The following PSEN1 variants were observed in gnomAD, a reference collection of about 807,000 sequenced individuals.
The protein encoded by PSEN1 is presenilin-1.
PSEN1 carries 15 observed loss-of-function variants against 53.5 expected under a neutral mutation model. The observed-to-expected ratio is 0.28, with a 90% CI of 0.19 to 0.43. PSEN1 has a LOEUF of 0.43. Ranked by LOEUF, PSEN1 falls within the 20% of genes least tolerant of loss-of-function variation. The pLI is 1.00. For synonymous variants in PSEN1, 208 were observed against 209.8 expected, an observed-to-expected ratio of 0.99 and a Z score of 0.08; for missense variants, 387 against 571.2, an observed-to-expected ratio of 0.68 and a Z score of 3.29.
intron 8 of PSEN1, among the ~76,000 whole-genome samples, chr14:73,201,656 T>A (rs1201804920): frequency 6.6e-6 from 1 of 152,218 alleles, no homozygotes; most frequent in Non-Finnish European, 1.5e-5. Flanking sequence ...CATCAAAGAT[T>A]CCTGTCTCAC....
chr14:73,191,106 A>G (rs1423089729), intron 6 of PSEN1, among the ~76,000 whole-genome samples: 3 of 152,208 alleles, frequency 2.0e-5, no homozygotes, highest in African/African-American at 7.2e-5. Flanking sequence ...CAGAATTAAA[A>G]TAGCATTTTC....
At chr14:73,150,421 A>G (rs921013955) in intron 3 of PSEN1, among the ~76,000 whole-genome samples, 2 of 152,172 alleles carry the variant, frequency 1.3e-5, no homozygotes, top group African/African-American at 4.8e-5. Flanking sequence ...GCTTACTATA[A>G]TATTTATGTA....
Position 73,173,873 on chromosome 14 carries a change from A to G in PSEN1, c.480+166A>G, listed in dbSNP as rs1897967135. 4 of 863,254 alleles carry G rather than the reference A, an allele frequency of 4.6e-6. No individual in the cohort carries two copies. In the East Asian group the frequency reaches 1.0e-4, roughly 22 times the overall value. 53.5% of individuals were successfully genotyped at this position (863,254 alleles called of 1,614,324 possible). ...TCACTGTGGAACATTCAAAAAATAC[A>G]AAAAGGAAGCCAGGTGCATGTGTAA... On this transcript the variant is annotated intron_variant, in intron 5 of 11. Transcript: ENST00000324501.
chr14:73,182,039 G>C (rs1222118127), intron 5 of PSEN1, among the ~76,000 whole-genome samples: 1 of 152,138 alleles, frequency 6.6e-6, no homozygotes. Flanking sequence ...CTCCCAAACT[G>C]CTGGGATAAC....
At chr14:73,195,416 G>A (rs894785515) in intron 7 of PSEN1, among the ~76,000 whole-genome samples, 1 of 152,004 alleles carries the variant, frequency 6.6e-6, no homozygotes, top group African/African-American at 2.4e-5. Context: ...CAAGTGATCT[G>A]CCTGCCTCAG....
chr14:73,138,778 T>G (rs1594952359), intron 1 of PSEN1, among the ~76,000 whole-genome samples: 2 of 136,338 alleles, frequency 1.5e-5, no homozygotes, highest in Non-Finnish European at 1.6e-5. Flanking sequence ...GCTAACACGG[T>G]GAAACCCCAT....
At chr14:73,173,526 T>G (rs899821281) in intron 4 of PSEN1, 40 bp from the exon 5 acceptor site, 2 of 1,607,186 alleles carry the variant, frequency 1.2e-6, no homozygotes, top group African/African-American at 1.3e-5. Flanking sequence ...GTGATCTCCA[T>G]TAACACTGAC....
chr14:73,159,858 C>T (rs751134123), intron 3 of PSEN1, among the ~76,000 whole-genome samples: 5 of 152,238 alleles, frequency 3.3e-5, no homozygotes, highest in East Asian at 3.9e-4. Context: ...GATCTCACTC[C>T]GTTGCCCAGG....
At chr14:73,153,257 C>T (rs185196698) in intron 3 of PSEN1, among the ~76,000 whole-genome samples, 7 of 152,316 alleles carry the variant, frequency 4.6e-5, no homozygotes, top group South Asian at 2.1e-4. Flanking sequence ...GAAATCTCAA[C>T]GACCTCCAGA....
At chr14:73,202,193 C>T (rs1272494393) in intron 8 of PSEN1, among the ~76,000 whole-genome samples, 2 of 141,744 alleles carry the variant, frequency 1.4e-5, no homozygotes, top group East Asian at 2.1e-4. Flanking sequence ...TACAAGCATG[C>T]GCCACTATAC....
chr14:73,210,189 A>C (rs1470257240), intron 9 of PSEN1, among the ~76,000 whole-genome samples: 1 of 152,232 alleles, frequency 6.6e-6, no homozygotes, highest in Non-Finnish European at 1.5e-5. Flanking sequence ...AGAGCATTTC[A>C]GGATAAATTA....
At chr14:73,204,030 C>T (rs1182059917) in intron 8 of PSEN1, among the ~76,000 whole-genome samples, 1 of 152,118 alleles carries the variant, frequency 6.6e-6, no homozygotes, top group Admixed American at 6.6e-5. Context: ...CAGAGTTTCG[C>T]TCTCATTGCC....
intron 3 of PSEN1, among the ~76,000 whole-genome samples, chr14:73,150,824 C>T (rs1214916743): frequency 1.4e-5 from 2 of 138,966 alleles, no homozygotes; most frequent in Admixed American, 1.5e-4. Context: ...AATCCCAACA[C>T]TTTGGGAGGC....
Position 73,188,063 on chromosome 14 carries a change from G to C in PSEN1, c.548+1143G>C, listed in dbSNP as rs181722099. On this transcript the variant is annotated intron_variant, in intron 6 of 11. Coordinates refer to ENST00000324501, the MANE Select transcript of PSEN1 (RefSeq NM_000021.4). Reference sequence around the variant, plus strand: ...CCTGCCTCAGCCCCCTGAGTAACCGGGACTACAGGTGCGCACCACCATGCC... The same window carrying C: ...CCTGCCTCAGCCCCCTGAGTAACCGCGACTACAGGTGCGCACCACCATGCC... 3.4e-4 allele frequency among the ~76,000 whole-genome samples: 52 copies of C among 152,066 alleles called. 1 individual carries two copies. In the East Asian group the frequency reaches 8.5e-3, roughly 25 times the overall value.
At position 73,210,738 on chromosome 14, in the gene PSEN1, C is replaced by T. The variant is rs114017123; in HGVS notation, c.956-1031C>T. On this transcript the variant is annotated intron_variant, in intron 9 of 11. Coordinates refer to ENST00000324501, the MANE Select transcript of PSEN1 (RefSeq NM_000021.4). ...CTATCAATACAAAATTGTGAGGGCTCTCCCAGAGGAAGCCATGCAAGGAAG... is the reference window on the plus strand; with the variant it reads ...CTATCAATACAAAATTGTGAGGGCTTTCCCAGAGGAAGCCATGCAAGGAAG... 6.6e-3 allele frequency among the ~76,000 whole-genome samples: 1,003 copies of T among 152,224 alleles called. 10 individuals carry two copies. The highest frequency in any genetic ancestry group is 0.023 in the African/African-American group (962 of 41,552).
intron 4 of PSEN1, among the ~76,000 whole-genome samples, chr14:73,173,335 T>G (rs1236419550): frequency 1.3e-5 from 2 of 152,238 alleles, no homozygotes; most frequent in Non-Finnish European, 2.9e-5. Flanking sequence ...AGTGTCTGCT[T>G]CACATGTTAA....
At chr14:73,216,576 T>G (rs555987907) in intron 10 of PSEN1, among the ~76,000 whole-genome samples, 2 of 152,200 alleles carry the variant, frequency 1.3e-5, no homozygotes, top group Admixed American at 1.3e-4. Context: ...CTGACCAACA[T>G]GGTGAAACCC....
chr14:73,176,836 T>C (rs1898060176), intron 5 of PSEN1, among the ~76,000 whole-genome samples: 1 of 152,182 alleles, frequency 6.6e-6, no homozygotes, highest in Admixed American at 6.5e-5. Flanking sequence ...AGAATGGACA[T>C]TTGAGTCCAG....
Position 73,148,164 on chromosome 14 carries a change from C to T in PSEN1, c.87+58C>T, listed in dbSNP as rs964004104. 7.5e-6 allele frequency: 10 copies of T among 1,336,264 alleles called. No homozygotes were observed. The East Asian group carries it at 1.9e-4, about 25-fold the overall frequency. 82.8% of individuals were successfully genotyped at this position (1,336,264 alleles called of 1,614,324 possible). A position where few individuals can be genotyped will look rare whatever the true frequency, so the allele number is the denominator to read the frequency against. ...AGACTGGATTCACTTATCATCTCCCCTCACCTCTGAGAAATGCTGAGGGGG... is the reference window on the plus strand; with the variant it reads ...AGACTGGATTCACTTATCATCTCCCTTCACCTCTGAGAAATGCTGAGGGGG... On this transcript the variant is annotated intron_variant, in intron 3 of 11. Transcript: ENST00000324501.
Sources: allele counts gnomAD v4.1 joint callset (sites outside exome capture counted in the v4.1 genomes callset), GRCh38; gene constraint gnomAD v4.1.1; transcripts MANE v1.5; gene names NCBI Gene and HGNC (gene_info 2026-07-23, HGNC 2026-07-21).